The following HPSE variants were observed in gnomAD, a reference collection of about 807,000 sequenced individuals.
HPSE encodes the protein heparanase.
A neutral mutation model predicts 65.1 loss-of-function variants in HPSE; 48 were observed. The observed-to-expected ratio is 0.74, with a 90% CI of 0.58 to 0.94. The LOEUF (loss-of-function observed/expected upper bound fraction) is 0.94, where lower values mean the gene tolerates loss of function less well. Among genes scored for constraint, HPSE ranks in the 40% least tolerant of loss-of-function variants. HPSE has a pLI of 0.00. For missense variants in HPSE, 644 were observed against 637.5 expected (o/e 1.01, Z -0.11); for synonymous variants, 243 against 260.0 (o/e 0.93, Z 0.63).
intron 2 of HPSE, among the ~76,000 whole-genome samples, 177 bp from the exon 3 acceptor site, chr4:83,319,646 T>C (rs1170754888): frequency 6.6e-6 from 1 of 152,188 alleles, no homozygotes; most frequent in Admixed American, 6.5e-5. Flanking sequence ...TGCCGGCTCA[T>C]GAATTACCAC....
At chr4:83,302,301 A>AGT in intron 9 of HPSE, 33 bp from the exon 10 acceptor site, 1 of 1,384,714 alleles carries the variant, frequency 7.2e-7, no homozygotes, top group Non-Finnish European at 1.0e-6. Context: ...AAGAGACAAA[A>AGT]ATAGATGTTT....
chr4:83,311,039 T>C lies in HPSE; in HGVS notation c.674-149A>G, dbSNP rs1736348321. 4 of 670,988 alleles carry C rather than the reference T, an allele frequency of 6.0e-6. No individual in the cohort carries two copies. The South Asian group carries it at 8.0e-5, about 13-fold the overall frequency. 41.6% of individuals were successfully genotyped at this position (670,988 alleles called of 1,614,324 possible). A position where few individuals can be genotyped will look rare whatever the true frequency, so the allele number is the denominator to read the frequency against. ...AAAAGTAAAACCAGGTCTGGCGCTA[T>C]GGCTCATGCCTGTAATCCCAGCATT... On this transcript the variant is annotated intron_variant, in intron 4 of 11. Transcript: ENST00000311412.
At chr4:83,314,018 C>T (rs547098311) in intron 3 of HPSE, among the ~76,000 whole-genome samples, 20 of 152,096 alleles carry the variant, frequency 1.3e-4, no homozygotes, top group African/African-American at 2.4e-4. Flanking sequence ...TTTGGGAGGC[C>T]GAGGCGGGCG....
intron 3 of HPSE, among the ~76,000 whole-genome samples, chr4:83,316,017 T>A (rs972844855): frequency 1.3e-5 from 2 of 151,982 alleles, no homozygotes; most frequent in African/African-American, 4.8e-5. Context: ...AATCCATTCT[T>A]TTTTTCTTTT....
At chr4:83,320,086 A>G (rs1286948382) in intron 2 of HPSE, among the ~76,000 whole-genome samples, 1 of 151,642 alleles carries the variant, frequency 6.6e-6, no homozygotes, top group African/African-American at 2.4e-5. Flanking sequence ...TGAAGAAAAC[A>G]TAGTGCAGTT....
intron 2 of HPSE, among the ~76,000 whole-genome samples, chr4:83,320,162 G>A (rs1243178123): frequency 2.0e-5 from 3 of 151,874 alleles, no homozygotes; most frequent in Non-Finnish European, 4.4e-5. Flanking sequence ...GCAGTGTGGT[G>A]TTTTCCTCTT....
chr4:83,334,160 A>G (rs1014257760), intron 1 of HPSE, among the ~76,000 whole-genome samples: 15 of 152,290 alleles, frequency 9.8e-5, no homozygotes, highest in Non-Finnish European at 1.8e-4. Flanking sequence ...GTACACATGG[A>G]CTTAGTGGAA....
rs1284616132 is a variant in HPSE, at chr4:83,334,689, G to A, written c.94C>T (p.Pro32Ser). 1 of 1,571,526 alleles carries A rather than the reference G, an allele frequency of 6.4e-7. No homozygotes were observed. The highest frequency in any genetic ancestry group is 8.6e-7 in the Non-Finnish European group (1 of 1,158,304). Residue 32 changes from proline (P) to serine (S), a missense_variant, in exon 1 of 12, where the codon CCT becomes TCT. Coordinates refer to ENST00000311412, the MANE Select transcript of HPSE (RefSeq NM_001098540.3). ...TCCACGACGTCCTGTGCTTGCGCAG[G>A]TCGGGGCAGGGCGCCAGGGGAGAGG... is the stretch of plus-strand genomic sequence containing the variant. Reference protein sequence around the residue: ...GPLSPGALPRPAQAQDVVDLD... With the variant: ...GPLSPGALPRSAQAQDVVDLD...
intron 3 of HPSE, among the ~76,000 whole-genome samples, chr4:83,315,152 CAAAAAA>C (rs58487256): frequency 0.8 from 113,951 of 142,314 alleles, 44,826 homozygotes; most frequent in East Asian, 0.87. Context: ...GACTCTGTCT[CAAAAAA>C]AAAAAAAAAA....
At position 83,309,915 on chromosome 4, in the gene HPSE, T is replaced by G. The variant is rs574692126; in HGVS notation, c.890+116A>C. 5.8e-6 allele frequency: 4 copies of G among 692,792 alleles called. No homozygotes were observed. In the South Asian group the frequency reaches 7.8e-5, roughly 14 times the overall value. 42.9% of individuals were successfully genotyped at this position (692,792 alleles called of 1,614,324 possible). A position where few individuals can be genotyped will look rare whatever the true frequency, so the allele number is the denominator to read the frequency against. ...GTACAGTGCTACTTGAGACACTATT[T>G]GTTTCTTATTTGAACTGCAGTCAAT... On this transcript the variant is annotated intron_variant, in intron 6 of 11. Coordinates refer to ENST00000311412, the MANE Select transcript of HPSE (RefSeq NM_001098540.3).
intron 3 of HPSE, among the ~76,000 whole-genome samples, chr4:83,316,829 T>A (rs1736664741): frequency 6.6e-6 from 1 of 152,236 alleles, no homozygotes; most frequent in African/African-American, 2.4e-5. Flanking sequence ...CAAGAGGACC[T>A]GTGTTAGAAA....
chr4:83,334,858 C>G, upstream of HPSE: 2 of 1,436,768 alleles, frequency 1.4e-6, no homozygotes, highest in Admixed American at 2.8e-5. Flanking sequence ...TTCCTCCCGC[C>G]GAGCCCCAGC....
At chr4:83,303,551 A>G (rs1220765224) in intron 9 of HPSE, among the ~76,000 whole-genome samples, 1 of 152,184 alleles carries the variant, frequency 6.6e-6, no homozygotes, top group Non-Finnish European at 1.5e-5. Flanking sequence ...GATACATACT[A>G]AAATATGTAT....
intron 3 of HPSE, 146 bp from the exon 4 acceptor site, chr4:83,313,433 CAACAA>C: frequency 1.8e-6 from 1 of 562,320 alleles, no homozygotes; most frequent in South Asian, 2.9e-5. Flanking sequence ...GTTTTTGAGA[CAACAA>C]AATTGGACAA....
intron 5 of HPSE, among the ~76,000 whole-genome samples, chr4:83,310,429 G>A (rs1409574932): frequency 2.0e-5 from 3 of 151,872 alleles, no homozygotes; most frequent in Non-Finnish European, 2.9e-5. Context: ...CACTCTGGGA[G>A]GCTGAGGTGG....
chr4:83,325,285 C>A (rs1737105105), intron 1 of HPSE, among the ~76,000 whole-genome samples: 1 of 151,922 alleles, frequency 6.6e-6, no homozygotes, highest in Non-Finnish European at 1.5e-5. Flanking sequence ...CTTGCCTCAG[C>A]CTCCCTAGTA....
At chr4:83,327,499 AT>A (rs1162944659) in intron 1 of HPSE, among the ~76,000 whole-genome samples, 2 of 152,240 alleles carry the variant, frequency 1.3e-5, no homozygotes, top group Non-Finnish European at 2.9e-5. Context: ...TACAAGAAAA[AT>A]AAAGGAAAAA....
Position 83,295,515 on chromosome 4 carries a change from A to G in HPSE, c.1473-12T>C. 6.4e-7 allele frequency: 1 copy of G among 1,558,948 alleles called. No individual in the cohort carries two copies. Among genetic ancestry groups the G allele is most frequent in the Middle Eastern group, 1.7e-4 (1 of 5,848 alleles). ...TGAGTTGGACAGATCTGCAAAGGAG[A>G]AAGATACACCGAGTTAACCAAGTGG... On this transcript the variant is annotated splice_polypyrimidine_tract_variant and intron_variant, in intron 11 of 11. Transcript: ENST00000311412.
rs779887044 is a variant in HPSE, at chr4:83,313,263, G to A, written c.524C>T (p.Thr175Ile). Residue 175 changes from threonine (T) to isoleucine (I), a missense_variant, in exon 4 of 12, where the codon ACT becomes ATT. By Grantham distance (89) the Thr-to-Ile change is moderately conservative. Coordinates refer to ENST00000311412, the MANE Select transcript of HPSE (RefSeq NM_001098540.3). ...GTCCAGTCCTGAGCAGTTTGCAAAAGTGTATAGCACATCTACAGAGCTTCC... is the reference window on the plus strand; with the variant it reads ...GTCCAGTCCTGAGCAGTTTGCAAAAATGTATAGCACATCTACAGAGCTTCC... Reference protein sequence around the residue: ...YSRSSVDVLYTFANCSGLDLI... With the variant: ...YSRSSVDVLYIFANCSGLDLI... 16 of 1,613,472 alleles carry A rather than the reference G, an allele frequency of 9.9e-6. No homozygotes were observed. Among genetic ancestry groups the A allele is most frequent in the Non-Finnish European group, 1.2e-5 (14 of 1,179,790 alleles).
Sources: gnomAD v4.1 joint callset for allele counts (sites outside exome capture counted in the v4.1 genomes callset) on GRCh38, gnomAD v4.1.1 for gene constraint, MANE v1.5 for transcripts, NCBI Gene and HGNC (gene_info 2026-07-23, HGNC 2026-07-21) for gene names.